GRAMD2B: variants seen among roughly 807,000 people sequenced by gnomAD.
GRAMD2B encodes the protein GRAM domain-containing protein 2B.
GRAMD2B carries 41 observed loss-of-function variants against 59.2 expected under a neutral mutation model. The observed-to-expected ratio is 0.69, with a 90% CI of 0.54 to 0.90. GRAMD2B has a LOEUF of 0.90. GRAMD2B is among the 40% of genes least tolerant of loss of function. GRAMD2B has a pLI of 0.00. For missense variants in GRAMD2B, 424 were observed against 500.5 expected (o/e 0.85, Z 1.46); for synonymous variants, 161 against 182.7 (o/e 0.88, Z 0.96).
intron 13 of GRAMD2B, among the ~76,000 whole-genome samples, chr5:126,489,605 A>G (rs1773565747): frequency 6.6e-6 from 1 of 152,238 alleles, no homozygotes; most frequent in Non-Finnish European, 1.5e-5. Flanking sequence ...CAAAGTATCT[A>G]CAGTCCAAAC....
chr5:126,429,342 A>G (rs1007037909), intron 1 of GRAMD2B, among the ~76,000 whole-genome samples: 1 of 152,192 alleles, frequency 6.6e-6, no homozygotes, highest in African/African-American at 2.4e-5. Flanking sequence ...ATGAGAACAC[A>G]TGGACACACA....
intron 1 of GRAMD2B, chr5:126,360,589 G>A (rs1411216007): frequency 2.2e-6 from 2 of 890,736 alleles, no homozygotes; most frequent in Non-Finnish European, 3.3e-6. Flanking sequence ...TTGCCCACTG[G>A]GGGAGTTTTC....
chr5:126,402,410 T>C (rs1213648463), intron 1 of GRAMD2B, among the ~76,000 whole-genome samples: 3 of 152,050 alleles, frequency 2.0e-5, no homozygotes, highest in East Asian at 3.9e-4. Context: ...ACTACCTTGG[T>C]AAATACCACC....
intron 10 of GRAMD2B, 60 bp downstream of exon 10, chr5:126,484,584 C>CTTT: frequency 5.1e-5 from 64 of 1,267,216 alleles, no homozygotes; most frequent in Middle Eastern, 2.8e-4. Context: ...CTGTTTGTAA[C>CTTT]TTTTTTTTTT....
At chr5:126,376,589 A>G (rs185165857) in intron 1 of GRAMD2B, among the ~76,000 whole-genome samples, 1 of 152,204 alleles carries the variant, frequency 6.6e-6, no homozygotes, top group African/African-American at 2.4e-5. Flanking sequence ...ATGAACAGGA[A>G]CACAGCAGAC....
chr5:126,390,623 T>C (rs1323945725), intron 1 of GRAMD2B, among the ~76,000 whole-genome samples: 1 of 152,220 alleles, frequency 6.6e-6, no homozygotes, highest in Non-Finnish European at 1.5e-5. Flanking sequence ...TATATAACCG[T>C]AAGTAAAGTA....
chr5:126,434,462 G>A (rs1275429308), intron 1 of GRAMD2B, among the ~76,000 whole-genome samples: 1 of 151,784 alleles, frequency 6.6e-6, no homozygotes, highest in African/African-American at 2.4e-5. Flanking sequence ...TTCTTTCACT[G>A]TCTACAAGAC....
chr5:126,472,893 G>A (rs1769896995), intron 4 of GRAMD2B, among the ~76,000 whole-genome samples: 1 of 152,140 alleles, frequency 6.6e-6, no homozygotes, highest in Non-Finnish European at 1.5e-5. Flanking sequence ...CCCCTAGTGA[G>A]GCCATGTATT....
chr5:126,395,577 A>AT (rs1757290867), intron 1 of GRAMD2B, among the ~76,000 whole-genome samples: 1 of 152,136 alleles, frequency 6.6e-6, no homozygotes, highest in South Asian at 2.1e-4. Context: ...CATTCACTTT[A>AT]TTTTTTTATG....
At chr5:126,422,755 C>G (rs372973051), upstream of GRAMD2B, among the ~76,000 whole-genome samples, 2 of 152,176 alleles carry the variant, frequency 1.3e-5, no homozygotes, top group South Asian at 2.1e-4. Flanking sequence ...GAGGCATTCA[C>G]GGTACTGGTT....
At chr5:126,415,224 C>G (rs1440847173) in intron 1 of GRAMD2B, among the ~76,000 whole-genome samples, 1 of 152,120 alleles carries the variant, frequency 6.6e-6, no homozygotes, top group Non-Finnish European at 1.5e-5. Flanking sequence ...CAAAAGAACA[C>G]GAAGCATCAA....
intron 1 of GRAMD2B, among the ~76,000 whole-genome samples, chr5:126,399,971 A>G (rs1757684944): frequency 6.6e-6 from 1 of 152,090 alleles, no homozygotes; most frequent in South Asian, 2.1e-4. Context: ...TTACATTCAT[A>G]GTAATTATCA....
chr5:126,442,293 C>CTT (rs11325974), intron 1 of GRAMD2B, among the ~76,000 whole-genome samples: 4 of 141,006 alleles, frequency 2.8e-5, no homozygotes, highest in Non-Finnish European at 4.6e-5. Flanking sequence ...TCTTTTTTTT[C>CTT]TTTTTTTTTT....
At chr5:126,419,448 C>T (rs931377240), upstream of GRAMD2B, among the ~76,000 whole-genome samples, 1 of 152,142 alleles carries the variant, frequency 6.6e-6, no homozygotes, top group African/African-American at 2.4e-5. Flanking sequence ...GAAACCACCA[C>T]TATGATCCAA....
chr5:126,388,949 A>G (rs923050043), intron 1 of GRAMD2B, among the ~76,000 whole-genome samples: 2 of 152,174 alleles, frequency 1.3e-5, no homozygotes, highest in Non-Finnish European at 2.9e-5. Flanking sequence ...AAGCCCAGAC[A>G]TCTCCACTTG....
chr5:126,379,956 G>A (rs1755523092), intron 1 of GRAMD2B, among the ~76,000 whole-genome samples: 1 of 152,114 alleles, frequency 6.6e-6, no homozygotes, highest in Non-Finnish European at 1.5e-5. Context: ...ATTGGCTTTT[G>A]GGTTCTTAGT....
At chr5:126,365,655 T>C (rs550531248) in intron 1 of GRAMD2B, among the ~76,000 whole-genome samples, 23 of 151,762 alleles carry the variant, frequency 1.5e-4, no homozygotes, top group Admixed American at 1.3e-3. Flanking sequence ...AAATCAGCTG[T>C]GGTAGGAGTA....
chr5:126,362,228 T>C (rs1198959342), intron 1 of GRAMD2B, among the ~76,000 whole-genome samples: 4 of 152,240 alleles, frequency 2.6e-5, no homozygotes, highest in South Asian at 2.1e-4. Context: ...GGCAGCATCA[T>C]TTCAGTCACC....
chr5:126,420,525 T>C (rs140002446), upstream of GRAMD2B, among the ~76,000 whole-genome samples: 90 of 152,322 alleles, frequency 5.9e-4, no homozygotes, highest in African/African-American at 1.7e-3. Flanking sequence ...CCTTCTCACT[T>C]AAAACCACAC....
Sources: gnomAD v4.1 joint callset for allele counts (sites outside exome capture counted in the v4.1 genomes callset) on GRCh38, gnomAD v4.1.1 for gene constraint, MANE v1.5 for transcripts, NCBI Gene and HGNC (gene_info 2026-07-23, HGNC 2026-07-21) for gene names.